MCF2L2: variants seen among roughly 807,000 people sequenced by gnomAD.
MCF2L2 encodes the protein probable guanine nucleotide exchange factor MCF2L2.
In MCF2L2, 102 loss-of-function variants were observed where a neutral mutation model predicts 150.2. The ratio of observed to expected loss-of-function variants is 0.68; its 90% CI spans 0.58 to 0.80. The LOEUF is 0.80. MCF2L2 is among the 30% of genes least tolerant of loss of function. MCF2L2 has a pLI of 0.00. For missense variants in MCF2L2, 1,256 were observed against 1,372.8 expected (o/e 0.91, Z 1.34); for synonymous variants, 465 against 491.3 (o/e 0.95, Z 0.71).
intron 5 of MCF2L2, among the ~76,000 whole-genome samples, chr3:183,327,254 G>A (rs1027940904): frequency 6.6e-6 from 1 of 152,158 alleles, no homozygotes; most frequent in Non-Finnish European, 1.5e-5. Flanking sequence ...GAACCTGGGA[G>A]GCAGAGGTTG....
At chr3:183,295,628 A>C in intron 12 of MCF2L2, 151 bp from the exon 13 acceptor site, 1 of 695,156 alleles carries the variant, frequency 1.4e-6, no homozygotes, top group Non-Finnish European at 2.4e-6. Flanking sequence ...AAGTCGCTGC[A>C]GGTCCTGCCA....
rs550502654 is a variant in MCF2L2 at position 183,252,163 on chromosome 3, A to G, written c.1863-21146T>C. Among the ~76,000 whole-genome samples the G allele has an allele frequency of 2.0e-5, 3 of 151,992 alleles. No individual in the cohort carries two copies. The South Asian group carries it at 6.2e-4, about 32-fold the overall frequency. On this transcript the variant is annotated intron_variant, in intron 15 of 29. Coordinates refer to ENST00000328913, the MANE Select transcript of MCF2L2 (RefSeq NM_015078.4). ...ATGATCTGAAAGGAATATAATTGTA[A>G]TTGAATATTTGCACAGATATACAAC...
intron 1 of MCF2L2, among the ~76,000 whole-genome samples, chr3:183,398,822 T>A (rs1714597044): frequency 6.6e-6 from 1 of 152,112 alleles, no homozygotes; most frequent in African/African-American, 2.4e-5. Flanking sequence ...ATTAACATAC[T>A]CAACTTTCAC....
chr3:183,333,854 C>A (rs1400371575), intron 5 of MCF2L2, among the ~76,000 whole-genome samples: 3 of 150,840 alleles, frequency 2.0e-5, no homozygotes, highest in African/African-American at 7.3e-5. Context: ...TTTTCAACAC[C>A]AAAAGGAACC....
chr3:183,293,055 A>C (rs1047557227), intron 13 of MCF2L2, among the ~76,000 whole-genome samples: 1 of 152,228 alleles, frequency 6.6e-6, no homozygotes, highest in Non-Finnish European at 1.5e-5. Context: ...AATCACTCCA[A>C]TTACAAGGCA....
chr3:183,303,201 A>G (rs11926874), intron 10 of MCF2L2, among the ~76,000 whole-genome samples: 4,019 of 151,942 alleles, frequency 0.026, 239 homozygotes, highest in African/African-American at 0.092. Context: ...CTCCAAAAAA[A>G]AAAAAGAATT....
intron 15 of MCF2L2, among the ~76,000 whole-genome samples, chr3:183,274,991 A>G (rs1028435878): frequency 6.7e-6 from 1 of 149,818 alleles, no homozygotes; most frequent in African/African-American, 2.5e-5. Flanking sequence ...CACTGCCACT[A>G]TTATCTATCA....
At chr3:183,340,935 A>G (rs1218211059) in intron 4 of MCF2L2, among the ~76,000 whole-genome samples, 1 of 152,154 alleles carries the variant, frequency 6.6e-6, no homozygotes, top group Admixed American at 6.6e-5. Context: ...AGAGTGAGAC[A>G]CTGTTTCAAA....
chr3:183,358,868 C>T lies in MCF2L2; in HGVS notation c.276-17238G>A, dbSNP rs532196515. ...TTGAACCCCTCAAGTAATCCTTCTG[C>T]CTTGGCCTCCCGAAGTGCTGGGATT... On this transcript the variant is annotated intron_variant, in intron 3 of 29. Transcript: ENST00000328913. 3.3e-5 allele frequency among the ~76,000 whole-genome samples: 5 copies of T among 152,244 alleles called. No individual in the cohort carries two copies. In the East Asian group the frequency reaches 9.6e-4, roughly 29 times the overall value.
intron 15 of MCF2L2, among the ~76,000 whole-genome samples, chr3:183,276,338 C>T (rs556177794): frequency 1.3e-5 from 2 of 152,272 alleles, no homozygotes; most frequent in East Asian, 1.9e-4. Flanking sequence ...AGTCAACCAG[C>T]GTGGGTATAA....
chr3:183,367,812 G>A (rs1265562428), intron 3 of MCF2L2, among the ~76,000 whole-genome samples: 1 of 151,846 alleles, frequency 6.6e-6, no homozygotes, highest in East Asian at 1.9e-4. Context: ...ATGAGAGAGA[G>A]TGAGGTGAGA....
intron 15 of MCF2L2, among the ~76,000 whole-genome samples, chr3:183,250,234 T>C (rs1724453325): frequency 6.6e-6 from 1 of 152,172 alleles, no homozygotes; most frequent in Non-Finnish European, 1.5e-5. Context: ...AAGCTGAAGA[T>C]TGATGTGACA....
intron 14 of MCF2L2, among the ~76,000 whole-genome samples, chr3:183,288,818 G>A (rs1389877264): frequency 6.6e-6 from 1 of 152,052 alleles, no homozygotes; most frequent in Non-Finnish European, 1.5e-5. Context: ...ACACTGTTCT[G>A]CCAATTTTAA....
chr3:183,381,894 A>G (rs1713548470), intron 2 of MCF2L2, among the ~76,000 whole-genome samples: 1 of 152,206 alleles, frequency 6.6e-6, no homozygotes, highest in Admixed American at 6.5e-5. Context: ...ATGTGCATTC[A>G]GAGAATTTGC....
At chr3:183,193,592 G>A (rs13314079) in intron 26 of MCF2L2, among the ~76,000 whole-genome samples, 4 of 151,932 alleles carry the variant, frequency 2.6e-5, no homozygotes, top group Admixed American at 2.0e-4. Flanking sequence ...CTTGTGATCC[G>A]CCCGCCTTGG....
chr3:183,269,249 A>G (rs1308759415), intron 15 of MCF2L2, among the ~76,000 whole-genome samples: 3 of 64,358 alleles, frequency 4.7e-5, no homozygotes, highest in African/African-American at 3.4e-4. Context: ...TTTTTTTTTT[A>G]AGAGTAGGAG....
rs141552354 is a variant in MCF2L2, at chr3:183,379,051, G to A, written c.275+246C>T. The A allele has an allele frequency of 2.3e-4, 95 of 419,944 alleles. 1 individual carries two copies. The highest frequency in any genetic ancestry group is 1.2e-3 in the African/African-American group (56 of 48,210). 26.0% of individuals were successfully genotyped at this position (419,944 alleles called of 1,614,324 possible). A position where few individuals can be genotyped will look rare whatever the true frequency, so the allele number is the denominator to read the frequency against. ...CAGCTGCTCAGTTTTCCATCCACCC[G>A]ACCATGTTTACTCTGTCCCTCCTGT... On this transcript the variant is annotated intron_variant, in intron 3 of 29. Transcript: ENST00000328913.
chr3:183,280,105 CAT>C (rs1224560281), intron 14 of MCF2L2, among the ~76,000 whole-genome samples: 1 of 152,034 alleles, frequency 6.6e-6, no homozygotes, highest in East Asian at 1.9e-4. Context: ...CCCCAACCCC[CAT>C]ATCCACCCCA....
intron 1 of MCF2L2, 63 bp from the exon 2 acceptor site, chr3:183,389,842 A>G (rs888883178): frequency 7.4e-7 from 1 of 1,343,316 alleles, no homozygotes; most frequent in South Asian, 1.2e-5. Flanking sequence ...AGAAATTAAA[A>G]AGAAACAAAG....
Sources: gnomAD v4.1 joint callset for allele counts (sites outside exome capture counted in the v4.1 genomes callset) on GRCh38, gnomAD v4.1.1 for gene constraint, MANE v1.5 for transcripts, NCBI Gene and HGNC (gene_info 2026-07-23, HGNC 2026-07-21) for gene names.